Variants in TLN2 observed in about 807,000 individuals in gnomAD.
The protein encoded by TLN2 is talin 2, also known as talin-2.
A neutral mutation model predicts 294.7 loss-of-function variants in TLN2; 118 were observed. The observed-to-expected ratio is 0.40, with a 90% CI of 0.34 to 0.47. TLN2 has a LOEUF of 0.47. Among genes scored for constraint, TLN2 ranks in the 20% least tolerant of loss-of-function variants. The pLI is 0.84. For missense variants in TLN2, 3,083 were observed against 3,282.2 expected (o/e 0.94, Z 1.48); for synonymous variants, 1,431 against 1,304.5 (o/e 1.10, Z -2.09).
At chr15:62,592,442 C>T (rs780657438) in intron 2 of TLN2, among the ~76,000 whole-genome samples, 1 of 152,106 alleles carries the variant, frequency 6.6e-6, no homozygotes, top group Non-Finnish European at 1.5e-5. Flanking sequence ...TTCCTCTACC[C>T]AGGAATGTTT....
At chr15:62,703,351 C>T (rs918403074) in intron 19 of TLN2, among the ~76,000 whole-genome samples, 7 of 152,022 alleles carry the variant, frequency 4.6e-5, no homozygotes, top group East Asian at 1.9e-4. Context: ...CTGCCCGTCT[C>T]GGCCTCCCAA....
intron 25 of TLN2, among the ~76,000 whole-genome samples, chr15:62,721,022 C>A (rs1036901711): frequency 6.6e-6 from 1 of 152,094 alleles, no homozygotes; most frequent in Non-Finnish European, 1.5e-5. Context: ...CTGTCTCCAC[C>A]CTGACAAGAT....
chr15:62,801,298 A>G (rs1211925020), intron 50 of TLN2, among the ~76,000 whole-genome samples: 1 of 152,140 alleles, frequency 6.6e-6, no homozygotes, highest in Non-Finnish European at 1.5e-5. Flanking sequence ...TTCTTTTCTG[A>G]CTTGTTCCAG....
In TLN2 at chr15:62,441,213, T is replaced by C. The variant is rs544331012; in HGVS notation, c.-238+50528T>C. Among the ~76,000 whole-genome samples the C allele has an allele frequency of 4.6e-5, 7 of 152,326 alleles. No homozygotes were observed. In the South Asian group the frequency reaches 1.5e-3, roughly 32 times the overall value. ...CATGGAGGGATCCCTTCCAAGGCCC[T>C]GTGCTCATTTGTATTATTTACTTAT... is the stretch of plus-strand genomic sequence containing the variant. On this transcript the variant is annotated intron_variant, in intron 1 of 58. Transcript: ENST00000636159.
intron 32 of TLN2, among the ~76,000 whole-genome samples, chr15:62,741,676 G>C (rs1410338147): frequency 6.6e-6 from 1 of 150,864 alleles, no homozygotes; most frequent in Non-Finnish European, 1.5e-5. Flanking sequence ...ATAATGTGCA[G>C]ATTCGTGATT....
chr15:62,416,783 A>C (rs2034111397), intron 1 of TLN2, among the ~76,000 whole-genome samples: 1 of 152,158 alleles, frequency 6.6e-6, no homozygotes, highest in South Asian at 2.1e-4. Context: ...CTCTGAGCTC[A>C]TGAAGGCTCC....
At chr15:62,602,543 G>T (rs567015777) in intron 2 of TLN2, among the ~76,000 whole-genome samples, 36 of 152,216 alleles carry the variant, frequency 2.4e-4, no homozygotes, top group African/African-American at 8.4e-4. Flanking sequence ...TGCTATAAAC[G>T]GAGTGGCCTA....
chr15:62,529,856 C>T (rs932371730), intron 1 of TLN2, among the ~76,000 whole-genome samples: 13 of 152,184 alleles, frequency 8.5e-5, no homozygotes, highest in African/African-American at 3.1e-4. Context: ...AACTTATTCG[C>T]CCAGTTCCCT....
At chr15:62,534,152 C>T (rs1232225519) in intron 1 of TLN2, among the ~76,000 whole-genome samples, 1 of 152,080 alleles carries the variant, frequency 6.6e-6, no homozygotes, top group Non-Finnish European at 1.5e-5. Flanking sequence ...AGGGATTTCT[C>T]CCCACATACT....
At chr15:62,817,571 G>A (rs1013246498) in intron 52 of TLN2, among the ~76,000 whole-genome samples, 2 of 152,154 alleles carry the variant, frequency 1.3e-5, no homozygotes, top group African/African-American at 4.8e-5. Flanking sequence ...CGTGTCTAGG[G>A]CTGGTCATGG....
chr15:62,836,289 T>C (rs1420679104), intron 57 of TLN2, among the ~76,000 whole-genome samples: 2 of 152,240 alleles, frequency 1.3e-5, no homozygotes, highest in African/African-American at 4.8e-5. Flanking sequence ...TCTCATGCCC[T>C]GGGGCCCTGC....
At chr15:62,702,311 GT>G in intron 18 of TLN2, 111 bp downstream of exon 18, 1 of 1,203,244 alleles carries the variant, frequency 8.3e-7, no homozygotes, top group Admixed American at 2.4e-5. Flanking sequence ...GATGGGGTGT[GT>G]TTCTCTCTGC....
At chr15:62,608,379 A>G (rs1483892038) in intron 2 of TLN2, among the ~76,000 whole-genome samples, 1 of 152,168 alleles carries the variant, frequency 6.6e-6, no homozygotes, top group Non-Finnish European at 1.5e-5. Context: ...CTGTAGTCAG[A>G]TTTGAATTTT....
At chr15:62,645,583 C>T (rs1008035965) in intron 3 of TLN2, among the ~76,000 whole-genome samples, 7 of 152,106 alleles carry the variant, frequency 4.6e-5, no homozygotes, top group African/African-American at 9.7e-5. Flanking sequence ...GTCGTTAGGA[C>T]GCCAGCAATC....
chr15:62,673,585 T>C (rs1158151447), intron 9 of TLN2, among the ~76,000 whole-genome samples: 1 of 149,244 alleles, frequency 6.7e-6, no homozygotes, highest in African/African-American at 2.5e-5. Flanking sequence ...TTTTTCACTT[T>C]ACAATAGATC....
At chr15:62,736,308 T>C (rs2061007615) in intron 28 of TLN2, among the ~76,000 whole-genome samples, 1 of 148,532 alleles carries the variant, frequency 6.7e-6, no homozygotes. Flanking sequence ...CGACAGAGAC[T>C]CTGTCTCAAA....
chr15:62,590,235 G>A (rs2045974212), intron 2 of TLN2, among the ~76,000 whole-genome samples: 1 of 152,016 alleles, frequency 6.6e-6, no homozygotes, highest in Admixed American at 6.6e-5. Flanking sequence ...GGAGTTCATT[G>A]TACAGATTAT....
intron 1 of TLN2, among the ~76,000 whole-genome samples, chr15:62,431,413 G>C (rs1169123723): frequency 6.6e-6 from 1 of 152,216 alleles, no homozygotes. Flanking sequence ...TAATTTGACT[G>C]TGCACTGATG....
intron 51 of TLN2, among the ~76,000 whole-genome samples, chr15:62,807,325 A>G (rs897441209): frequency 5.3e-5 from 8 of 152,210 alleles, no homozygotes; most frequent in African/African-American, 1.9e-4. Context: ...TTGATCCCAT[A>G]TGAGAAAGGC....
Sources: allele counts gnomAD v4.1 joint callset (sites outside exome capture counted in the v4.1 genomes callset), GRCh38; gene constraint gnomAD v4.1.1; transcripts MANE v1.5; gene names NCBI Gene and HGNC (gene_info 2026-07-23, HGNC 2026-07-21).